Variants in AGTPBP1 observed in about 807,000 individuals in gnomAD.
AGTPBP1 encodes ATP/GTP binding carboxypeptidase 1.
A neutral mutation model predicts 143.9 loss-of-function variants in AGTPBP1; 70 were observed. The observed-to-expected ratio is 0.49, with a 90% CI of 0.40 to 0.59. The LOEUF (loss-of-function observed/expected upper bound fraction) is 0.59, where lower values mean the gene tolerates loss of function less well. AGTPBP1 is among the 20% of genes least tolerant of loss of function. AGTPBP1 has a pLI of 0.00. For synonymous variants in AGTPBP1, 463 were observed against 500.2 expected, an observed-to-expected ratio of 0.93 and a Z score of 0.99; for missense variants, 1,229 against 1,464.5, an observed-to-expected ratio of 0.84 and a Z score of 2.62.
the AGTPBP1 span, among the ~76,000 whole-genome samples, chr9:85,763,777 C>T: frequency 2.0e-5 from 3 of 151,890 alleles, no homozygotes; most frequent in Non-Finnish European, 1.5e-5. Flanking sequence ...TGAAGGTGGC[C>T]GTCTGGGAGT....
At chr9:85,650,615 A>C (rs1833105882) in intron 11 of AGTPBP1, among the ~76,000 whole-genome samples, 1 of 152,216 alleles carries the variant, frequency 6.6e-6, no homozygotes, top group South Asian at 2.1e-4. Flanking sequence ...GCAGATTTTC[A>C]ACTGCACAGA....
Position 85,547,296 on chromosome 9 carries a change from A to G in AGTPBP1, c.3504-10T>C, listed in dbSNP as rs1183955413. On this transcript the variant is annotated splice_polypyrimidine_tract_variant and intron_variant, in intron 25 of 25. Coordinates refer to ENST00000357081, the MANE Select transcript of AGTPBP1 (RefSeq NM_001330701.2). ...GACATAAGTGGTAGGGCTGCAGCCA[A>G]AACACACAGAACATACAAGACTTTG... is the stretch of plus-strand genomic sequence containing the variant. The G allele has an allele frequency of 1.2e-6, 2 of 1,603,708 alleles. No individual in the cohort carries two copies.
chr9:85,773,444 C>T, the AGTPBP1 span, among the ~76,000 whole-genome samples: 1 of 147,600 alleles, frequency 6.8e-6, no homozygotes, highest in Non-Finnish European at 1.5e-5. Flanking sequence ...AGCCATTCGC[C>T]TGCTTCAGCC....
intron 18 of AGTPBP1, among the ~76,000 whole-genome samples, 173 bp downstream of exon 18, chr9:85,596,189 C>A (rs1829289428): frequency 6.6e-6 from 1 of 152,198 alleles, no homozygotes; most frequent in African/African-American, 2.4e-5. Flanking sequence ...CTACTACATA[C>A]ACTCCATAAG....
chr9:85,762,139 G>A, the AGTPBP1 span, among the ~76,000 whole-genome samples: 2 of 152,130 alleles, frequency 1.3e-5, no homozygotes, highest in African/African-American at 4.8e-5. Flanking sequence ...TGGAGAGGAT[G>A]TGGAGAAATA....
chr9:85,733,764 G>A (rs546484131), intron 1 of AGTPBP1, among the ~76,000 whole-genome samples: 1 of 152,124 alleles, frequency 6.6e-6, no homozygotes, highest in African/African-American at 2.4e-5. Flanking sequence ...GAAATGAAAG[G>A]GGAGACATTC....
Position 85,613,336 on chromosome 9 carries a change from A to G in AGTPBP1, c.2335+5647T>C, listed in dbSNP as rs147396299. Among the ~76,000 whole-genome samples, 1,201 of 152,102 alleles carry G rather than the reference A, an allele frequency of 7.9e-3. 19 individuals are homozygous for G. Among genetic ancestry groups the G allele is most frequent in the African/African-American group, 0.027 (1,133 of 41,554 alleles). On this transcript the variant is annotated intron_variant, in intron 17 of 25. Coordinates refer to ENST00000357081, the MANE Select transcript of AGTPBP1 (RefSeq NM_001330701.2). ...TGCAGAGAGGTAAAGAGAGAAATTA[A>G]TAAGTATAAAAAATTCCAATAGAAA... is the stretch of plus-strand genomic sequence containing the variant.
At position 85,575,412 on chromosome 9, in the gene AGTPBP1, G is replaced by C. The variant is rs780761655; in HGVS notation, c.3406C>G (p.Arg1136Gly). ...MGAKFCVGLL[R>G]LKRLTSPLEY... ...AATGGAGAGGTCAGTCTTTTCAAAC[G>C]TAAAAGACCAACACAAAATTTTGCT... The change falls in exon 25 of 26, where the codon CGT becomes GGT. Residue 1136 changes from arginine to glycine, a missense_variant. Physicochemically the swap from Arg to Gly is moderately radical, Grantham distance 125 (BLOSUM62 -2). Transcript: ENST00000357081. 1 of 1,610,366 alleles carries C rather than the reference G, an allele frequency of 6.2e-7. No individual in the cohort carries two copies. Among genetic ancestry groups the C allele is most frequent in the Non-Finnish European group, 8.5e-7 (1 of 1,179,086 alleles).
At chr9:85,725,649 C>T (rs1838424245) in intron 1 of AGTPBP1, among the ~76,000 whole-genome samples, 1 of 152,168 alleles carries the variant, frequency 6.6e-6, no homozygotes, top group African/African-American at 2.4e-5. Flanking sequence ...GTGGCTTACA[C>T]CTGTAATTCC....
At chr9:85,802,707 G>A in the AGTPBP1 span, among the ~76,000 whole-genome samples, 8,588 of 151,962 alleles carry the variant, frequency 0.057, 681 homozygotes, top group African/African-American at 0.19. Context: ...TCACATAATT[G>A]GGTGTCCAGG....
intron 17 of AGTPBP1, among the ~76,000 whole-genome samples, chr9:85,615,368 G>C (rs146600388): frequency 4.3e-4 from 65 of 151,954 alleles, no homozygotes; most frequent in African/African-American, 1.5e-3. Context: ...AATAATTAAG[G>C]GTATCTACTG....
intron 10 of AGTPBP1, 33 bp downstream of exon 10, chr9:85,657,402 C>T (rs1283191112): frequency 1.3e-6 from 2 of 1,522,924 alleles, no homozygotes; most frequent in East Asian, 2.3e-5. Context: ...ATTATTAGTA[C>T]ATAATCACAA....
At chr9:85,781,775 C>T in the AGTPBP1 span, among the ~76,000 whole-genome samples, 1 of 151,658 alleles carries the variant, frequency 6.6e-6, no homozygotes, top group Non-Finnish European at 1.5e-5. Flanking sequence ...ATATCATGAC[C>T]CCTGGAAATT....
chr9:85,605,150 C>T (rs938543707), intron 17 of AGTPBP1, among the ~76,000 whole-genome samples: 23 of 152,034 alleles, frequency 1.5e-4, no homozygotes, highest in Non-Finnish European at 3.2e-4. Context: ...TATAGAACAC[C>T]ACGCAGATTT....
intron 14 of AGTPBP1, among the ~76,000 whole-genome samples, chr9:85,630,391 C>CTTACTTATTTATTTATTTATTTATTTAT (rs777830669): frequency 1.7e-4 from 25 of 151,486 alleles, no homozygotes; most frequent in South Asian, 1.5e-3. Context: ...TACTTACTTA[C>CTTACTTATTTATTTATTTATTTATTTAT]TTATTTATTT....
At chr9:85,728,334 G>A (rs1838657130) in intron 1 of AGTPBP1, among the ~76,000 whole-genome samples, 1 of 152,034 alleles carries the variant, frequency 6.6e-6, no homozygotes, top group Admixed American at 6.6e-5. Flanking sequence ...TAACTTTGAG[G>A]AGGAGGAATT....
intron 25 of AGTPBP1, among the ~76,000 whole-genome samples, chr9:85,566,176 G>T (rs1288542295): frequency 2.6e-5 from 4 of 152,172 alleles, no homozygotes; most frequent in Non-Finnish European, 5.9e-5. Context: ...AGTCTCTGGG[G>T]TTAACTAGGA....
chr9:85,753,583 C>G, the AGTPBP1 span, among the ~76,000 whole-genome samples: 2 of 152,128 alleles, frequency 1.3e-5, no homozygotes, highest in Admixed American at 6.5e-5. Flanking sequence ...AAAACCCCGT[C>G]TCTACTAAAA....
chr9:85,723,297 G>C (rs1010105215), intron 1 of AGTPBP1, among the ~76,000 whole-genome samples: 1 of 152,234 alleles, frequency 6.6e-6, no homozygotes, highest in African/African-American at 2.4e-5. Context: ...ATCTAGAAAG[G>C]CAGTAGGCCT....
Sources: allele counts gnomAD v4.1 joint callset (sites outside exome capture counted in the v4.1 genomes callset), GRCh38; gene constraint gnomAD v4.1.1; transcripts MANE v1.5; gene names NCBI Gene and HGNC (gene_info 2026-07-23, HGNC 2026-07-21).